The following MON2 variants were observed in gnomAD, a reference collection of about 807,000 sequenced individuals.
MON2 encodes the protein MON2 regulator of endosome-to-Golgi trafficking.
MON2 carries 84 observed loss-of-function variants against 208.6 expected under a neutral mutation model. The observed-to-expected ratio is 0.40, with a 90% CI of 0.34 to 0.48. The LOEUF is 0.48. MON2 is among the 20% of genes least tolerant of loss of function. The pLI is 0.59. For synonymous variants in MON2, 660 were observed against 694.0 expected, an observed-to-expected ratio of 0.95 and a Z score of 0.77; for missense variants, 1,611 against 2,015.4, an observed-to-expected ratio of 0.80 and a Z score of 3.84.
chr12:62,563,885 G>A (rs1462394547), intron 26 of MON2, among the ~76,000 whole-genome samples: 2 of 151,986 alleles, frequency 1.3e-5, no homozygotes, highest in Non-Finnish European at 1.5e-5. Flanking sequence ...GAGTAATTCA[G>A]TCTCTTTTTC....
chr12:62,525,309 C>G lies in MON2; in HGVS notation c.1246+89C>G, dbSNP rs2072274860. The G allele has an allele frequency of 4.2e-6, 6 of 1,432,206 alleles. No homozygotes were observed. The South Asian group carries it at 6.6e-5, about 16-fold the overall frequency. The allele number at this position is 1,432,206 out of a possible 1,614,324, so 88.7% of individuals were successfully genotyped here. A position where few individuals can be genotyped will look rare whatever the true frequency, so the allele number is the denominator to read the frequency against. ...GAGAGGATATTATGAAATTCTGTGA[C>G]TAGAGAAATTTGGGTTACCTAAACA... On this transcript the variant is annotated intron_variant, in intron 10 of 34. Transcript: ENST00000393630.
intron 24 of MON2, among the ~76,000 whole-genome samples, chr12:62,554,280 A>G (rs1438619213): frequency 2.0e-5 from 3 of 152,172 alleles, no homozygotes; most frequent in Non-Finnish European, 4.4e-5. Flanking sequence ...CTTAAACATT[A>G]GAGAATAACA....
chr12:62,548,280 G>A (rs935002658), intron 22 of MON2, among the ~76,000 whole-genome samples: 1 of 152,144 alleles, frequency 6.6e-6, no homozygotes, highest in African/African-American at 2.4e-5. Flanking sequence ...GAGGCATAGG[G>A]GAAAATAGCA....
At chr12:62,504,245 C>CTTTTTTTTT (rs71450586) in intron 7 of MON2, among the ~76,000 whole-genome samples, 2 of 118,612 alleles carry the variant, frequency 1.7e-5, no homozygotes, top group African/African-American at 3.3e-5. Flanking sequence ...CTTTTCTTTT[C>CTTTTTTTTT]TTTTTTTTTT....
intron 11 of MON2, among the ~76,000 whole-genome samples, chr12:62,526,459 T>A (rs542507574): frequency 6.6e-6 from 1 of 152,148 alleles, no homozygotes; most frequent in Non-Finnish European, 1.5e-5. Flanking sequence ...TTTTTTTCTT[T>A]TTTTTAAACC....
chr12:62,504,330 C>T (rs112445868), intron 7 of MON2, among the ~76,000 whole-genome samples: 5 of 150,426 alleles, frequency 3.3e-5, no homozygotes, highest in African/African-American at 4.9e-5. Flanking sequence ...CTGCAAGCTC[C>T]GCCTCCCATG....
chr12:62,567,924 C>T (rs944551800), intron 29 of MON2, among the ~76,000 whole-genome samples: 11 of 152,140 alleles, frequency 7.2e-5, no homozygotes, highest in East Asian at 3.9e-4. Flanking sequence ...GCATGTTTCT[C>T]GTCTTTAAAA....
At chr12:62,487,350 A>G (rs888575842) in intron 2 of MON2, among the ~76,000 whole-genome samples, 1 of 152,122 alleles carries the variant, frequency 6.6e-6, no homozygotes, top group Non-Finnish European at 1.5e-5. Flanking sequence ...AGAATTACAT[A>G]ATCTGCTTTT....
intron 21 of MON2, chr12:62,545,718 C>G (rs967733116): frequency 6.6e-6 from 1 of 151,484 alleles, no homozygotes; most frequent in Non-Finnish European, 1.5e-5. Flanking sequence ...TTGCCCTCAT[C>G]ATCTTATTGT....
intron 8 of MON2, among the ~76,000 whole-genome samples, chr12:62,521,829 G>T (rs969429249): frequency 6.6e-6 from 1 of 152,102 alleles, no homozygotes; most frequent in Non-Finnish European, 1.5e-5. Flanking sequence ...TCTGCTCTCT[G>T]AATCACTTAG....
intron 30 of MON2, among the ~76,000 whole-genome samples, chr12:62,577,945 A>G (rs955937334): frequency 1.1e-4 from 16 of 152,180 alleles, no homozygotes; most frequent in African/African-American, 3.9e-4. Context: ...GCTTTAGAAA[A>G]TCTGCATCAG....
intron 4 of MON2, among the ~76,000 whole-genome samples, chr12:62,495,473 A>G (rs897771223): frequency 6.6e-6 from 1 of 152,024 alleles, no homozygotes. Context: ...GTAAGATCAC[A>G]AGGTTAGGAG....
At chr12:62,573,374 T>A (rs1292860492) in intron 30 of MON2, among the ~76,000 whole-genome samples, 1 of 151,694 alleles carries the variant, frequency 6.6e-6, no homozygotes, top group South Asian at 2.1e-4. Flanking sequence ...ATTAACAAAT[T>A]GAATAAGCTT....
intron 4 of MON2, among the ~76,000 whole-genome samples, chr12:62,496,014 G>A (rs1385326981): frequency 6.6e-6 from 1 of 152,028 alleles, no homozygotes; most frequent in African/African-American, 2.4e-5. Context: ...AGCAGTAAAT[G>A]AATTATAGTC....
chr12:62,586,764 A>G (rs1429785962), intron 33 of MON2, among the ~76,000 whole-genome samples: 1 of 152,130 alleles, frequency 6.6e-6, no homozygotes. Flanking sequence ...TTTGAGTGGA[A>G]TATTGTTAGA....
intron 27 of MON2, 85 bp from the exon 28 acceptor site, chr12:62,565,929 T>C (rs911943793): frequency 3.2e-6 from 4 of 1,260,972 alleles, no homozygotes; most frequent in Middle Eastern, 2.2e-4. Context: ...ATAAAAATTA[T>C]AATTTTATAT....
Position 62,534,912 on chromosome 12 carries a change from C to T in MON2, c.1701C>T (p.Leu567=), listed in dbSNP as rs2072894282. Residue 567 remains leucine, a synonymous_variant, in exon 13 of 35, where the codon CTC becomes CTT. Transcript: ENST00000393630. ...CWCGLLAALS[L]LLDASTDEAA... ...GTGGTCTTCTTGCTGCACTCTCACT[C>T]CTTCTTGATGCCAGGTATTAAGTCT... is the stretch of plus-strand genomic sequence containing the variant. The T allele has an allele frequency of 6.2e-7, 1 of 1,611,148 alleles. No homozygotes were observed. The highest frequency in any genetic ancestry group is 8.5e-7 in the Non-Finnish European group (1 of 1,178,066).
At chr12:62,538,049 T>C in intron 16 of MON2, 47 bp from the exon 17 acceptor site, 1 of 1,526,818 alleles carries the variant, frequency 6.5e-7, no homozygotes, top group Admixed American at 1.9e-5. Flanking sequence ...TTGGACCTTT[T>C]ATACTTTTGT....
chr12:62,508,191 TAAG>T, intron 7 of MON2, 92 bp from the exon 8 acceptor site: 1 of 844,368 alleles, frequency 1.2e-6, no homozygotes, highest in Non-Finnish European at 1.9e-6. Context: ...TACTGGTTAT[TAAG>T]AAGTTTTGTT....
Sources: gnomAD v4.1 joint callset for allele counts (sites outside exome capture counted in the v4.1 genomes callset) on GRCh38, gnomAD v4.1.1 for gene constraint, MANE v1.5 for transcripts, NCBI Gene and HGNC (gene_info 2026-07-23, HGNC 2026-07-21) for gene names.